The following CAB39L variants were observed in gnomAD, a reference collection of about 807,000 sequenced individuals.
The protein encoded by CAB39L is calcium binding protein 39 like, also known as calcium-binding protein 39-like.
CAB39L carries 23 observed loss-of-function variants against 39.1 expected under a neutral mutation model. The observed-to-expected ratio is 0.59, with a 90% CI of 0.42 to 0.83. The LOEUF is 0.83. Among genes scored for constraint, CAB39L ranks in the 40% least tolerant of loss-of-function variants. CAB39L has a pLI of 0.00. For synonymous variants in CAB39L, 126 were observed against 137.2 expected, an observed-to-expected ratio of 0.92 and a Z score of 0.57; for missense variants, 366 against 391.9, an observed-to-expected ratio of 0.93 and a Z score of 0.56.
intron 10 of CAB39L, among the ~76,000 whole-genome samples, chr13:49,331,129 G>A (rs918318714): frequency 6.6e-6 from 1 of 151,976 alleles, no homozygotes; most frequent in African/African-American, 2.4e-5. Flanking sequence ...TGGGAATACA[G>A]AATTACAAAT....
chr13:49,364,973 A>G (rs535845830), intron 5 of CAB39L, among the ~76,000 whole-genome samples: 309 of 152,250 alleles, frequency 2.0e-3, no homozygotes, highest in African/African-American at 7.1e-3. Flanking sequence ...ACCACAAAAA[A>G]CCCAGAATAG....
intron 10 of CAB39L, among the ~76,000 whole-genome samples, chr13:49,311,421 T>A (rs570071635): frequency 6.6e-6 from 1 of 152,360 alleles, no homozygotes; most frequent in Admixed American, 6.5e-5. Context: ...GTATTTACTA[T>A]ACTATACGTC....
intron 8 of CAB39L, 98 bp from the exon 9 acceptor site, chr13:49,339,840 C>T (rs924351618): frequency 2.3e-6 from 3 of 1,283,092 alleles, no homozygotes; most frequent in Non-Finnish European, 3.0e-6. Flanking sequence ...TTCCCAACTT[C>T]TGGCCATTTT....
intron 3 of CAB39L, among the ~76,000 whole-genome samples, chr13:49,417,384 T>C (rs144900414): frequency 2.0e-3 from 306 of 152,290 alleles, no homozygotes; most frequent in African/African-American, 7.1e-3. Flanking sequence ...AAAACAATCA[T>C]GCATTGCCAG....
At chr13:49,411,258 A>G (rs963791637) in intron 3 of CAB39L, among the ~76,000 whole-genome samples, 1 of 151,884 alleles carries the variant, frequency 6.6e-6, no homozygotes, top group Non-Finnish European at 1.5e-5. Flanking sequence ...AAAATACAAA[A>G]TATCAGCTGG....
rs373312261 is a variant in CAB39L at position 49,377,092 on chromosome 13, C to T, written c.151G>A (p.Glu51Lys). ...EVSKSLQAMK[E>K]ILCGTNEKEP... ...TTCTCGTTTGTACCACACAGAATTT[C>T]TTTCATTGCTTGCAGTGATTTAGAC... The change falls in exon 5 of 11, where the codon GAA becomes AAA. Residue 51 changes from glutamate to lysine, a missense_variant. Coordinates refer to ENST00000409308, the MANE Select transcript of CAB39L (RefSeq NM_001079670.3). The T allele has an allele frequency of 6.2e-7, 1 of 1,613,476 alleles. No individual in the cohort carries two copies. Among genetic ancestry groups the T allele is most frequent in the Non-Finnish European group, 8.5e-7 (1 of 1,179,522 alleles).
intron 4 of CAB39L, among the ~76,000 whole-genome samples, chr13:49,377,844 T>C (rs1264916452): frequency 4.3e-4 from 33 of 76,582 alleles, no homozygotes; most frequent in South Asian, 1.8e-3. Flanking sequence ...CCCCTCTGCC[T>C]GGCTGCCCAG....
At chr13:49,420,788 T>G (rs1957159143) in intron 3 of CAB39L, among the ~76,000 whole-genome samples, 2 of 152,304 alleles carry the variant, frequency 1.3e-5, no homozygotes, top group African/African-American at 2.4e-5. Flanking sequence ...ACTGTTGGAA[T>G]TACGAGAATT....
At position 49,423,544 on chromosome 13, in the gene CAB39L, T is replaced by C. The variant is rs1195339875; in HGVS notation, c.-32+9774A>G. On this transcript the variant is annotated intron_variant, in intron 3 of 10. Transcript: ENST00000409308. ...AGCAGCCTGGGCAACAGAGAAACACTCCCATCCCTACAAAAAATAAAATAA... is the reference window on the plus strand; with the variant it reads ...AGCAGCCTGGGCAACAGAGAAACACCCCCATCCCTACAAAAAATAAAATAA... Among the ~76,000 whole-genome samples, 5 of 151,320 alleles carry C rather than the reference T, an allele frequency of 3.3e-5. No homozygotes were observed. In the East Asian group the frequency reaches 9.7e-4, roughly 29 times the overall value.
Position 49,397,435 on chromosome 13 carries a change from T to C in CAB39L, c.-31-14494A>G, listed in dbSNP as rs557449389. ...TCTGGAAGCCTCAGTCAGACTTACA[T>C]CAGAAGAAAAACTCTTTTATAAGAG... On this transcript the variant is annotated intron_variant, in intron 3 of 10. Coordinates refer to ENST00000409308, the MANE Select transcript of CAB39L (RefSeq NM_001079670.3). Among the ~76,000 whole-genome samples the C allele has an allele frequency of 3.3e-5, 5 of 152,236 alleles. No individual in the cohort carries two copies. In the East Asian group the frequency reaches 7.7e-4, roughly 23 times the overall value.
intron 5 of CAB39L, among the ~76,000 whole-genome samples, chr13:49,372,407 C>T (rs1955944705): frequency 6.6e-6 from 1 of 152,144 alleles, no homozygotes; most frequent in South Asian, 2.1e-4. Flanking sequence ...TGTCCCTACC[C>T]CAGTGGGCCA....
At chr13:49,346,813 G>A (rs1393713253) in intron 7 of CAB39L, among the ~76,000 whole-genome samples, 2 of 152,268 alleles carry the variant, frequency 1.3e-5, no homozygotes, top group East Asian at 3.9e-4. Flanking sequence ...TTATCAGGTG[G>A]CAGAGAAAGA....
At chr13:49,311,546 G>C (rs1303377977) in intron 10 of CAB39L, among the ~76,000 whole-genome samples, 2 of 152,212 alleles carry the variant, frequency 1.3e-5, no homozygotes, top group Non-Finnish European at 2.9e-5. Flanking sequence ...TATCGTAGGA[G>C]GTGACACCTC....
At chr13:49,318,046 T>G (rs1380935654) in intron 10 of CAB39L, among the ~76,000 whole-genome samples, 1 of 151,952 alleles carries the variant, frequency 6.6e-6, no homozygotes, top group Non-Finnish European at 1.5e-5. Flanking sequence ...GAAATGCAAG[T>G]CAAAATCACA....
intron 10 of CAB39L, among the ~76,000 whole-genome samples, chr13:49,312,822 A>G (rs1226128542): frequency 6.6e-6 from 1 of 152,230 alleles, no homozygotes; most frequent in Non-Finnish European, 1.5e-5. Flanking sequence ...TAACAAATCC[A>G]GTATACGTAC....
intron 3 of CAB39L, among the ~76,000 whole-genome samples, chr13:49,385,917 A>G (rs1219374407): frequency 4.9e-5 from 7 of 144,190 alleles, no homozygotes; most frequent in African/African-American, 1.6e-4. Flanking sequence ...AAATGTATCA[A>G]GAGATACAAA....
chr13:49,395,435 T>A (rs144558467), intron 3 of CAB39L, among the ~76,000 whole-genome samples: 1,648 of 152,212 alleles, frequency 0.011, 36 homozygotes, highest in African/African-American at 0.038. Flanking sequence ...GGTTTTACCA[T>A]GTTGGCCAGG....
chr13:49,354,738 G>T (rs1955442990), intron 6 of CAB39L, among the ~76,000 whole-genome samples: 1 of 152,150 alleles, frequency 6.6e-6, no homozygotes, highest in Admixed American at 6.5e-5. Context: ...GTGTGGAGAA[G>T]GCACTATCTA....
intron 9 of CAB39L, among the ~76,000 whole-genome samples, chr13:49,333,310 T>C (rs1362766860): frequency 6.6e-6 from 1 of 152,330 alleles, no homozygotes; most frequent in Admixed American, 6.5e-5. Context: ...TAACACCTTC[T>C]GGAAACTTTC....
Sources: allele counts gnomAD v4.1 joint callset (sites outside exome capture counted in the v4.1 genomes callset), GRCh38; gene constraint gnomAD v4.1.1; transcripts MANE v1.5; gene names NCBI Gene and HGNC (gene_info 2026-07-23, HGNC 2026-07-21).